SAMD12: variants seen among roughly 807,000 people sequenced by gnomAD.
SAMD12 encodes the protein sterile alpha motif domain-containing protein 12.
SAMD12 carries 9 observed loss-of-function variants against 15.0 expected under a neutral mutation model. The ratio of observed to expected loss-of-function variants is 0.60; its 90% CI spans 0.36 to 1.05. The LOEUF (loss-of-function observed/expected upper bound fraction) is 1.05. SAMD12 is among the 50% of genes least tolerant of loss of function. The pLI, the probability that SAMD12 is intolerant of heterozygous loss-of-function variation, is 0.01. For synonymous variants in SAMD12, 86 were observed against 90.1 expected, an observed-to-expected ratio of 0.96 and a Z score of 0.25; for missense variants, 230 against 234.2, an observed-to-expected ratio of 0.98 and a Z score of 0.12.
chr8:118,552,419 AC>A (rs1826367262), intron 2 of SAMD12, among the ~76,000 whole-genome samples: 1 of 152,206 alleles, frequency 6.6e-6, no homozygotes, highest in African/African-American at 2.4e-5. Flanking sequence ...AGAACCAAAG[AC>A]AAAAACCACA....
At chr8:118,496,302 A>T (rs1047724784) in intron 2 of SAMD12, among the ~76,000 whole-genome samples, 4 of 152,172 alleles carry the variant, frequency 2.6e-5, no homozygotes, top group African/African-American at 9.6e-5. Flanking sequence ...AAGGCATCAC[A>T]CTACCTGACT....
At chr8:118,231,895 TA>T (rs112689134) in intron 4 of SAMD12, among the ~76,000 whole-genome samples, 417 of 139,796 alleles carry the variant, frequency 3.0e-3, no homozygotes, top group Middle Eastern at 3.6e-3. Flanking sequence ...AGTACTGGTC[TA>T]AAAAAAAAAA....
intron 3 of SAMD12, among the ~76,000 whole-genome samples, chr8:118,425,266 G>A (rs1307236067): frequency 2.6e-5 from 4 of 152,230 alleles, no homozygotes; most frequent in African/African-American, 7.2e-5. Flanking sequence ...AACAGAAAAT[G>A]GGAGCAAAAC....
intron 3 of SAMD12, among the ~76,000 whole-genome samples, chr8:118,413,812 G>A (rs954965660): frequency 5.2e-4 from 79 of 151,654 alleles, no homozygotes; most frequent in African/African-American, 1.8e-3. Context: ...ATCTTAGACA[G>A]GGGGAGTCAA....
Position 118,439,847 on chromosome 8 carries a change from G to A in SAMD12, c.307C>T (p.Gln103Ter). The stretch of plus-strand genomic sequence containing the variant: ...CATACTTTACCAGTTATGTCATGCT[G>A]TTTGAATGACTCACTGTAGATCTGA... ...QYQIYSESFK[Q>*]HDITGRALLR... Residue 103 changes from glutamine (Q) to a stop codon, truncating the protein, a stop_gained, in exon 3 of 4, where the codon CAG (glutamine) becomes TAG (stop). Coordinates refer to ENST00000314727, the MANE Select transcript of SAMD12 (RefSeq NM_207506.3). LOFTEE classifies it low-confidence loss of function (END_TRUNC). 1 of 1,613,226 alleles carries A rather than the reference G, an allele frequency of 6.2e-7. No individual in the cohort carries two copies. The highest frequency in any genetic ancestry group is 8.5e-7 in the Non-Finnish European group (1 of 1,179,234).
chr8:118,455,251 T>G (rs932110302), intron 2 of SAMD12, among the ~76,000 whole-genome samples: 1 of 141,394 alleles, frequency 7.1e-6, no homozygotes, highest in Non-Finnish European at 1.5e-5. Context: ...AGACACTTTC[T>G]TCTCCTGGCT....
chr8:118,273,857 A>G (rs1490206233), intron 4 of SAMD12, among the ~76,000 whole-genome samples: 1 of 152,182 alleles, frequency 6.6e-6, no homozygotes, highest in East Asian at 1.9e-4. Context: ...CTCAGGTAGG[A>G]ACAGTTGTCT....
intron 4 of SAMD12, chr8:118,282,273 G>C: frequency 2.2e-6 from 1 of 456,144 alleles, no homozygotes; most frequent in Non-Finnish European, 4.4e-6. Flanking sequence ...TTTTAACTTG[G>C]GTCATTTAAG....
At chr8:118,522,845 G>A (rs1825427449) in intron 2 of SAMD12, among the ~76,000 whole-genome samples, 1 of 152,062 alleles carries the variant, frequency 6.6e-6, no homozygotes, top group South Asian at 2.1e-4. Flanking sequence ...CCATAAGAAG[G>A]TTATCCCAAA....
At chr8:118,345,097 A>C (rs1285042118) in intron 4 of SAMD12, among the ~76,000 whole-genome samples, 1 of 152,144 alleles carries the variant, frequency 6.6e-6, no homozygotes, top group African/African-American at 2.4e-5. Context: ...TAAATGCCCT[A>C]TACGAGGGTA....
At chr8:118,433,741 C>T (rs7812880) in intron 3 of SAMD12, among the ~76,000 whole-genome samples, 88,567 of 151,882 alleles carry the variant, frequency 0.58, 26,756 homozygotes, top group Admixed American at 0.66. Context: ...TAGAGCAGTT[C>T]ACACAAAAAA....
chr8:118,563,690 T>G (rs958349525), intron 2 of SAMD12, among the ~76,000 whole-genome samples: 1 of 152,268 alleles, frequency 6.6e-6, no homozygotes, highest in South Asian at 2.1e-4. Flanking sequence ...TGCATCTCTA[T>G]AATTCACTTC....
chr8:118,229,736 T>C (rs1044159057), intron 4 of SAMD12, among the ~76,000 whole-genome samples: 3 of 152,114 alleles, frequency 2.0e-5, no homozygotes, highest in African/African-American at 7.2e-5. Context: ...CCATACTCTC[T>C]CTCCAGTCTC....
intron 2 of SAMD12, among the ~76,000 whole-genome samples, chr8:118,563,248 CAT>C (rs1336682172): frequency 3.3e-5 from 5 of 152,202 alleles, no homozygotes; most frequent in African/African-American, 9.6e-5. Context: ...GTCACACAAA[CAT>C]ATGTTACATT....
intron 4 of SAMD12, chr8:118,282,097 T>A (rs1324243081): frequency 1.1e-5 from 4 of 348,148 alleles, no homozygotes; most frequent in South Asian, 6.5e-5. Context: ...TTAATTTGCC[T>A]CAGTGACAGT....
chr8:118,169,974 G>A, the SAMD12 span, among the ~76,000 whole-genome samples: 2 of 152,154 alleles, frequency 1.3e-5, no homozygotes, highest in Non-Finnish European at 2.9e-5. Flanking sequence ...GTACATTCAA[G>A]GAAATTTCAT....
intron 2 of SAMD12, among the ~76,000 whole-genome samples, chr8:118,466,883 A>G (rs1243626496): frequency 2.0e-5 from 3 of 152,222 alleles, no homozygotes; most frequent in African/African-American, 7.2e-5. Context: ...ACAAATCTTA[A>G]AGGAAATTAA....
At chr8:118,283,786 G>A (rs1044298486) in intron 4 of SAMD12, among the ~76,000 whole-genome samples, 4 of 152,178 alleles carry the variant, frequency 2.6e-5, no homozygotes, top group African/African-American at 9.7e-5. Context: ...TGTATGCATA[G>A]AGGAGATTGA....
intron 4 of SAMD12, among the ~76,000 whole-genome samples, chr8:118,293,649 G>C (rs1029115948): frequency 6.6e-6 from 1 of 152,070 alleles, no homozygotes; most frequent in African/African-American, 2.4e-5. Flanking sequence ...GTGAAAATTG[G>C]AACCAGATGT....
Sources: allele counts gnomAD v4.1 joint callset (sites outside exome capture counted in the v4.1 genomes callset), GRCh38; gene constraint gnomAD v4.1.1; transcripts MANE v1.5; gene names NCBI Gene and HGNC (gene_info 2026-07-23, HGNC 2026-07-21).